STPG4: variants seen among roughly 807,000 people sequenced by gnomAD.
STPG4 encodes the protein sperm-tail PG-rich repeat containing 4.
Under a neutral mutation model 31.5 loss-of-function variants are expected in STPG4, and 41 were observed. The observed-to-expected ratio is 1.30, with a 90% CI of 1.01 to 1.69. The LOEUF (loss-of-function observed/expected upper bound fraction) is 1.69. Ranked by LOEUF, STPG4 falls within the 40% of genes most tolerant of loss-of-function variation. The pLI, the probability that STPG4 is intolerant of heterozygous loss-of-function variation, is 0.00. For synonymous variants in STPG4, 141 were observed against 103.0 expected (o/e 1.37, Z -2.24); for missense variants, 375 against 293.4 (o/e 1.28, Z -2.03).
chr2:47,134,142 C>T, intron 3 of STPG4, among the ~76,000 whole-genome samples: 1 of 152,114 alleles, frequency 6.6e-6, no homozygotes. Flanking sequence ...TTTGCTCCCA[C>T]ACATGCGTAA....
intron 5 of STPG4, 58 bp from the exon 6 acceptor site, chr2:47,090,432 CTTTA>C: frequency 9.2e-7 from 1 of 1,086,968 alleles, no homozygotes; most frequent in South Asian, 1.4e-5. Flanking sequence ...TATTTTAAGG[CTTTA>C]TTTGCCTTCT....
chr2:47,132,330 C>T (rs1307338666), intron 3 of STPG4, among the ~76,000 whole-genome samples: 1 of 152,044 alleles, frequency 6.6e-6, no homozygotes, highest in Non-Finnish European at 1.5e-5. Flanking sequence ...CCCCTCCACT[C>T]CCTATTATTT....
At chr2:47,148,442 A>T (rs1226308111) in intron 3 of STPG4, among the ~76,000 whole-genome samples, 1 of 152,174 alleles carries the variant, frequency 6.6e-6, no homozygotes. Flanking sequence ...GTTGAAAAAA[A>T]AATAGAAAGT....
rs750158173 is a variant in STPG4, at chr2:47,153,031, A to T, written c.82-15T>A. The T allele has an allele frequency of 6.3e-7, 1 of 1,595,166 alleles. No homozygotes were observed. The highest frequency in any genetic ancestry group is 8.6e-7 in the Non-Finnish European group (1 of 1,165,920). On this transcript the variant is annotated splice_polypyrimidine_tract_variant and intron_variant, in intron 1 of 6. Transcript: ENST00000445927. ...TGGGCTGGTTTCTGTTAACAAACAC[A>T]AAGTATGCTTATTCATTTGAGAGGT...
At chr2:47,108,521 C>G (rs527486298) in intron 5 of STPG4, 4 of 168,330 alleles carry the variant, frequency 2.4e-5, no homozygotes, top group African/African-American at 7.2e-5. Context: ...ACACTCACTG[C>G]GAGTGTCCAC....
intron 3 of STPG4, among the ~76,000 whole-genome samples, chr2:47,146,843 AAG>A (rs1262738234): frequency 1.3e-5 from 2 of 151,784 alleles, no homozygotes; most frequent in African/African-American, 4.8e-5. Context: ...GAGGTTTGAA[AAG>A]AGGGGAGAGT....
intron 3 of STPG4, among the ~76,000 whole-genome samples, chr2:47,142,527 G>A (rs1438509001): frequency 6.6e-6 from 1 of 152,058 alleles, no homozygotes; most frequent in Non-Finnish European, 1.5e-5. Context: ...AAAATTTCGA[G>A]TTACTTACAA....
At chr2:47,109,991 T>G (rs919283954) in intron 5 of STPG4, among the ~76,000 whole-genome samples, 1 of 145,210 alleles carries the variant, frequency 6.9e-6, no homozygotes, top group Non-Finnish European at 1.5e-5. Flanking sequence ...TTATTCTTTA[T>G]AGGCCTGTCA....
intron 3 of STPG4, among the ~76,000 whole-genome samples, chr2:47,148,257 T>C (rs1686866703): frequency 6.6e-6 from 1 of 151,988 alleles, no homozygotes; most frequent in African/African-American, 2.4e-5. Flanking sequence ...CCTATATATA[T>C]ATGCCTAATA....
intron 5 of STPG4, among the ~76,000 whole-genome samples, chr2:47,105,309 C>T (rs938426835): frequency 2.0e-5 from 3 of 151,882 alleles, no homozygotes; most frequent in Admixed American, 6.6e-5. Flanking sequence ...CAGCAGTGGC[C>T]GTCTTAGTGT....
chr2:47,104,702 T>C (rs969782880), intron 5 of STPG4, among the ~76,000 whole-genome samples: 1 of 151,884 alleles, frequency 6.6e-6, no homozygotes, highest in Non-Finnish European at 1.5e-5. Flanking sequence ...GGCACTCTGG[T>C]CCTTCAATAT....
intron 5 of STPG4, among the ~76,000 whole-genome samples, chr2:47,096,538 G>A (rs1394088322): frequency 2.0e-5 from 3 of 152,210 alleles, no homozygotes; most frequent in African/African-American, 7.2e-5. Context: ...ATGATTAGTG[G>A]TCGCCGAGAT....
intron 3 of STPG4, among the ~76,000 whole-genome samples, chr2:47,140,094 G>A (rs1384052028): frequency 1.3e-5 from 2 of 152,012 alleles, no homozygotes; most frequent in African/African-American, 4.8e-5. Context: ...TCTTTTTCAT[G>A]AGTCTCTACC....
chr2:47,105,561 G>C (rs1172819671), intron 5 of STPG4, among the ~76,000 whole-genome samples: 1 of 152,032 alleles, frequency 6.6e-6, no homozygotes, highest in Non-Finnish European at 1.5e-5. Flanking sequence ...TTATAGTCCA[G>C]ACTTACGCTG....
At chr2:47,087,182 T>C in intron 6 of STPG4, 52 bp from the exon 7 acceptor site, 1 of 1,544,228 alleles carries the variant, frequency 6.5e-7, no homozygotes. Flanking sequence ...ACCAAAACCC[T>C]GAGGCTCCTG....
intron 5 of STPG4, among the ~76,000 whole-genome samples, chr2:47,093,375 C>G (rs1685609178): frequency 6.6e-6 from 1 of 152,282 alleles, no homozygotes; most frequent in South Asian, 2.1e-4. Context: ...TTGAAGAAAT[C>G]TAAGCCCTAA....
At position 47,109,556 on chromosome 2, in the gene STPG4, G is replaced by GAA. The variant is rs533888510; in HGVS notation, c.520-19184_520-19183dup. ...TGGGTGATAGTGAGACTATGTATCAGAAAAAAAAAAAAAAAAAAAATTCTA... is the reference window on the plus strand; with the variant it reads ...TGGGTGATAGTGAGACTATGTATCAGAAAAAAAAAAAAAAAAAAAAAATTCTA... On this transcript the variant is annotated intron_variant, in intron 5 of 6. Coordinates refer to ENST00000445927, the MANE Select transcript of STPG4 (RefSeq NM_001163561.2). Among the ~76,000 whole-genome samples the GAA allele has an allele frequency of 6.6e-4, 59 of 88,786 alleles. 1 individual carries two copies. Among genetic ancestry groups the GAA allele is most frequent in the African/African-American group, 1.1e-3 (26 of 23,860 alleles). The allele number at this position is 88,786 out of a possible 152,430, so 58.2% of individuals were successfully genotyped here.
rs747220278 is a variant in STPG4, at chr2:47,135,686, CTCT to C, written c.400-5429_400-5427del. On this transcript the variant is annotated intron_variant, in intron 3 of 6. Transcript: ENST00000445927. ...ACAGGCATGAACCACCACGCCCAGCCTCTTCTTTTTTGAATGTGGATATCCAGT... is the reference window on the plus strand; with the variant it reads ...ACAGGCATGAACCACCACGCCCAGCCTCTTTTTTGAATGTGGATATCCAGT... Among the ~76,000 whole-genome samples, 4 of 152,258 alleles carry C rather than the reference CTCT, an allele frequency of 2.6e-5. No homozygotes were observed. In the East Asian group the frequency reaches 5.8e-4, roughly 22 times the overall value.
chr2:47,094,992 G>A (rs991922475), intron 5 of STPG4, among the ~76,000 whole-genome samples: 1 of 152,208 alleles, frequency 6.6e-6, no homozygotes, highest in Admixed American at 6.5e-5. Context: ...GTGAAGACGT[G>A]TATCACTCTG....
Sources: gnomAD v4.1 joint callset for allele counts (sites outside exome capture counted in the v4.1 genomes callset) on GRCh38, gnomAD v4.1.1 for gene constraint, MANE v1.5 for transcripts, NCBI Gene and HGNC (gene_info 2026-07-23, HGNC 2026-07-21) for gene names.